TPTE: variants seen among roughly 807,000 people sequenced by gnomAD.
TPTE encodes transmembrane phosphatase with tensin homology.
Under a neutral mutation model 84.1 loss-of-function variants are expected in TPTE, and 59 were observed. The observed-to-expected ratio is 0.70, with a 90% confidence interval of 0.57 to 0.87. The LOEUF is 0.87. Ranked by LOEUF, TPTE falls within the 40% of genes least tolerant of loss-of-function variation. TPTE has a pLI of 0.00. For missense variants in TPTE, 382 were observed against 659.6 expected, an observed-to-expected ratio of 0.58 and a Z score of 4.61; for synonymous variants, 130 against 223.5, an observed-to-expected ratio of 0.58 and a Z score of 3.73.
chr21:10,537,151 A>G (rs1284282410), intron 3 of TPTE, among the ~76,000 whole-genome samples: 2 of 152,310 alleles, frequency 1.3e-5, no homozygotes, highest in African/African-American at 2.4e-5. Context: ...GGGGATTTGT[A>G]TATAGAAACT....
At chr21:10,588,241 CT>C (rs540318397) in intron 17 of TPTE, among the ~76,000 whole-genome samples, 21 of 152,282 alleles carry the variant, frequency 1.4e-4, no homozygotes, top group Non-Finnish European at 2.6e-4. Flanking sequence ...TTATCAAAAG[CT>C]TTTTTTTCTG....
intron 18 of TPTE, among the ~76,000 whole-genome samples, chr21:10,591,953 AAG>A (rs1375813024): frequency 5.3e-5 from 8 of 152,288 alleles, no homozygotes; most frequent in Non-Finnish European, 8.8e-5. Flanking sequence ...TCTTGAGGTC[AAG>A]AGTTTGAGAG....
chr21:10,575,737 A>G (rs982399685), intron 14 of TPTE, among the ~76,000 whole-genome samples: 1 of 152,310 alleles, frequency 6.6e-6, no homozygotes, highest in African/African-American at 2.4e-5. Context: ...ACTTAAATTT[A>G]CAAGAAAAAC....
At chr21:10,559,238 G>C (rs2074744631) in intron 8 of TPTE, among the ~76,000 whole-genome samples, 1 of 152,308 alleles carries the variant, frequency 6.6e-6, no homozygotes, top group Non-Finnish European at 1.5e-5. Context: ...ATAAAGTTGG[G>C]GTTGGGGCTT....
intron 10 of TPTE, among the ~76,000 whole-genome samples, chr21:10,562,759 C>T (rs2074834959): frequency 6.6e-6 from 1 of 152,306 alleles, no homozygotes; most frequent in African/African-American, 2.4e-5. Context: ...CGCCTGCCTA[C>T]AGGATCTAGA....
At chr21:10,563,091 G>C (rs1397056436) in intron 10 of TPTE, among the ~76,000 whole-genome samples, 365 of 152,300 alleles carry the variant, frequency 2.4e-3, no homozygotes, top group Non-Finnish European at 3.1e-3. Context: ...CAGGCCAGGA[G>C]AGAGTGGCAT....
At chr21:10,574,127 T>C (rs1382016940) in intron 14 of TPTE, among the ~76,000 whole-genome samples, 1 of 152,312 alleles carries the variant, frequency 6.6e-6, no homozygotes, top group Non-Finnish European at 1.5e-5. Flanking sequence ...CATATTGCTT[T>C]AGGCTCTGTG....
At chr21:10,549,069 A>C (rs2074524691) in intron 7 of TPTE, among the ~76,000 whole-genome samples, 2 of 152,308 alleles carry the variant, frequency 1.3e-5, no homozygotes, top group African/African-American at 2.4e-5. Context: ...CCATCACTAC[A>C]AACTTCCTTA....
intron 1 of TPTE, among the ~76,000 whole-genome samples, chr21:10,522,976 T>TTATG (rs1218048916): frequency 6.6e-6 from 1 of 152,312 alleles, no homozygotes; most frequent in African/African-American, 2.4e-5. Flanking sequence ...AGTCAATGAG[T>TTATG]TATGCCCCCA....
intron 7 of TPTE, among the ~76,000 whole-genome samples, chr21:10,545,502 C>G (rs2074448852): frequency 6.6e-6 from 1 of 152,308 alleles, no homozygotes; most frequent in African/African-American, 2.4e-5. Flanking sequence ...TAATCGTTAG[C>G]ACTGGCCCGG....
At chr21:10,537,057 T>G (rs1355104262) in intron 3 of TPTE, among the ~76,000 whole-genome samples, 1 of 152,310 alleles carries the variant, frequency 6.6e-6, no homozygotes, top group Non-Finnish European at 1.5e-5. Flanking sequence ...CTTGACCCTG[T>G]GTGAGAGCAG....
Position 10,567,698 on chromosome 21 carries a change from A to G in TPTE, c.475A>G (p.Asn159Asp), listed in dbSNP as rs1365376661. 3.1e-6 allele frequency: 5 copies of G among 1,613,522 alleles called. No homozygotes were observed. The highest frequency in any genetic ancestry group is 4.2e-6 in the Non-Finnish European group (5 of 1,179,646). ...RRQQYFSDLF[N>D]ILDTAIIVIL... ...ACAGCAGTATTTTTCTGACTTATTT[A>G]ACATTTTAGATACTGCCATTATTGT... Residue 159 changes from asparagine to aspartate, a missense_variant, in exon 11 of 24, where the codon AAC becomes GAC. Transcript: ENST00000618007.
At chr21:10,563,544 TTTAC>T (rs1187520410) in intron 10 of TPTE, among the ~76,000 whole-genome samples, 56 of 152,392 alleles carry the variant, frequency 3.7e-4, no homozygotes, top group African/African-American at 1.3e-3. Context: ...TAGTTTTCTT[TTTAC>T]TTGTTTATGA....
chr21:10,594,971 G>T (rs546701287), intron 19 of TPTE, among the ~76,000 whole-genome samples: 2 of 152,428 alleles, frequency 1.3e-5, no homozygotes, highest in South Asian at 4.1e-4. Context: ...AAGTATGGCC[G>T]TTAGTTACTT....
At position 10,605,677 on chromosome 21, in the gene TPTE, A is replaced by G. The variant is rs1418446037; in HGVS notation, c.*125A>G. 4.1e-6 allele frequency: 6 copies of G among 1,473,854 alleles called. No homozygotes were observed. Among genetic ancestry groups the G allele is most frequent in the Non-Finnish European group, 4.5e-6 (5 of 1,104,882 alleles). The allele number at this position is 1,473,854 out of a possible 1,614,324, so 91.3% of individuals were successfully genotyped here. ...TTTATTTATGTTTATATATGTTTAT[A>G]TATGTTCTTCATAAATCTATTACAT... On this transcript the variant is annotated 3_prime_UTR_variant, in exon 24 of 24. Coordinates refer to ENST00000618007, the MANE Select transcript of TPTE (RefSeq NM_199261.4).
chr21:10,561,655 G>T (rs2074807462), intron 10 of TPTE, among the ~76,000 whole-genome samples: 1 of 152,310 alleles, frequency 6.6e-6, no homozygotes, highest in Admixed American at 6.5e-5. Flanking sequence ...TCTGCCTTTG[G>T]ACAGGGGTGG....
intron 7 of TPTE, among the ~76,000 whole-genome samples, chr21:10,548,373 C>T (rs1380567448): frequency 2.6e-5 from 4 of 152,300 alleles, no homozygotes; most frequent in Non-Finnish European, 5.9e-5. Flanking sequence ...TCCAGACCAG[C>T]CAATCAGCCA....
intron 2 of TPTE, among the ~76,000 whole-genome samples, chr21:10,526,639 T>C (rs1476401680): frequency 3.3e-5 from 5 of 152,310 alleles, no homozygotes; most frequent in African/African-American, 1.2e-4. Flanking sequence ...GTCTTGGGAG[T>C]GTATTACCTT....
intron 4 of TPTE, 23 bp from the exon 5 acceptor site, chr21:10,541,089 C>T (rs1382135616): frequency 1.9e-6 from 3 of 1,612,630 alleles, no homozygotes; most frequent in African/African-American, 1.3e-5. Flanking sequence ...TTGGGTCTGA[C>T]TCTGACCATA....
Sources: gnomAD v4.1 joint callset for allele counts (sites outside exome capture counted in the v4.1 genomes callset) on GRCh38, gnomAD v4.1.1 for gene constraint, MANE v1.5 for transcripts, NCBI Gene and HGNC (gene_info 2026-07-23, HGNC 2026-07-21) for gene names.